VPS13B: variants seen among roughly 807,000 people sequenced by gnomAD.
The protein encoded by VPS13B is vacuolar protein sorting 13 homolog B.
In VPS13B, 285 loss-of-function variants were observed where a neutral mutation model predicts 426.4. The ratio of observed to expected loss-of-function variants is 0.67; its 90% confidence interval spans 0.61 to 0.74. The LOEUF is 0.74. Ranked by LOEUF, VPS13B falls within the 30% of genes least tolerant of loss-of-function variation. VPS13B has a pLI of 0.00. For synonymous variants in VPS13B, 1,676 were observed against 1,676.4 expected (o/e 1.00, Z 0.01); for missense variants, 4,537 against 4,782.6 (o/e 0.95, Z 1.51).
chr8:99,707,730 G>T (rs1832546753), intron 36 of VPS13B, among the ~76,000 whole-genome samples: 1 of 152,142 alleles, frequency 6.6e-6, no homozygotes, highest in African/African-American at 2.4e-5. Context: ...TAAGTGTCAA[G>T]GAACCTTGGG....
chr8:99,863,053 C>T (rs1052197772), intron 58 of VPS13B, among the ~76,000 whole-genome samples: 1 of 152,096 alleles, frequency 6.6e-6, no homozygotes, highest in Non-Finnish European at 1.5e-5. Flanking sequence ...AGCCCCAGAC[C>T]TTGGGCTAGG....
intron 35 of VPS13B, among the ~76,000 whole-genome samples, chr8:99,682,280 C>G (rs886259616): frequency 5.3e-5 from 8 of 152,184 alleles, no homozygotes; most frequent in Non-Finnish European, 1.0e-4. Flanking sequence ...ACCTAACCAA[C>G]ATGGCAAAAC....
intron 39 of VPS13B, among the ~76,000 whole-genome samples, chr8:99,756,833 G>A (rs181359871): frequency 3.9e-5 from 6 of 152,312 alleles, no homozygotes; most frequent in Admixed American, 1.3e-4. Flanking sequence ...ACTGGAAATT[G>A]TAAATGGCAC....
intron 43 of VPS13B, among the ~76,000 whole-genome samples, chr8:99,789,659 C>CA (rs1812448041): frequency 6.6e-6 from 1 of 151,998 alleles, no homozygotes; most frequent in Non-Finnish European, 1.5e-5. Flanking sequence ...TTTAAAGCAC[C>CA]AAAATGTTCA....
At chr8:99,527,247 T>A (rs1301020534) in intron 30 of VPS13B, among the ~76,000 whole-genome samples, 1 of 152,046 alleles carries the variant, frequency 6.6e-6, no homozygotes, top group Non-Finnish European at 1.5e-5. Flanking sequence ...ACTGAGAAAA[T>A]GTAAAATAAT....
intron 33 of VPS13B, among the ~76,000 whole-genome samples, chr8:99,618,223 G>A (rs1376043324): frequency 6.7e-6 from 1 of 149,858 alleles, no homozygotes; most frequent in Non-Finnish European, 1.5e-5. Flanking sequence ...ATACCAGTAA[G>A]CAGTAGCAAA....
chr8:99,871,143 A>G (rs773367639), intron 60 of VPS13B: 2 of 598,304 alleles, frequency 3.3e-6, no homozygotes, highest in East Asian at 5.8e-5. Flanking sequence ...AGAGAAACCC[A>G]GTCTTGCTAG....
chr8:99,717,141 A>G, intron 36 of VPS13B, 30 bp from the exon 37 acceptor site: 1 of 1,574,802 alleles, frequency 6.3e-7, no homozygotes, highest in South Asian at 1.1e-5. Context: ...ATAAGGATGA[A>G]TTATATACTC....
chr8:99,552,583 T>G (rs909952265), intron 30 of VPS13B, among the ~76,000 whole-genome samples: 3 of 151,798 alleles, frequency 2.0e-5, no homozygotes, highest in Non-Finnish European at 4.4e-5. Flanking sequence ...TTTTGTTTTT[T>G]TTTTTTTCCC....
chr8:99,270,318 T>C (rs957306058), intron 17 of VPS13B, among the ~76,000 whole-genome samples: 2 of 151,316 alleles, frequency 1.3e-5, no homozygotes, highest in Admixed American at 1.3e-4. Flanking sequence ...TTTATACTTT[T>C]AGTATAGATG....
intron 2 of VPS13B, among the ~76,000 whole-genome samples, chr8:99,032,740 C>T (rs187451017): frequency 2.4e-4 from 36 of 150,426 alleles, no homozygotes; most frequent in Non-Finnish European, 3.8e-4. Flanking sequence ...CAGGGTTTTA[C>T]GATGTTAGCC....
At chr8:99,657,858 G>A (rs1830078233) in intron 34 of VPS13B, among the ~76,000 whole-genome samples, 3 of 152,060 alleles carry the variant, frequency 2.0e-5, no homozygotes, top group Non-Finnish European at 2.9e-5. Flanking sequence ...AACTTTCATT[G>A]TCAGGCTTCT....
At chr8:99,136,821 T>C (rs1242279115) in intron 12 of VPS13B, 69 bp downstream of exon 12, 10 of 1,484,048 alleles carry the variant, frequency 6.7e-6, no homozygotes, top group East Asian at 2.3e-5. Context: ...TCAGAATCAA[T>C]TGGTCCTTGA....
chr8:99,226,811 GC>G (rs1168918267), intron 17 of VPS13B, among the ~76,000 whole-genome samples: 1 of 152,146 alleles, frequency 6.6e-6, no homozygotes, highest in Non-Finnish European at 1.5e-5. Context: ...TTTGTTGCAT[GC>G]GTAAAATGGG....
intron 25 of VPS13B, among the ~76,000 whole-genome samples, chr8:99,491,622 C>A (rs1322281071): frequency 6.6e-6 from 1 of 152,134 alleles, no homozygotes; most frequent in Non-Finnish European, 1.5e-5. Flanking sequence ...GATCTTCAAT[C>A]ACTGATATCC....
At chr8:99,436,159 G>T (rs1166521206) in intron 22 of VPS13B, among the ~76,000 whole-genome samples, 2 of 152,096 alleles carry the variant, frequency 1.3e-5, no homozygotes, top group African/African-American at 4.8e-5. Flanking sequence ...AGGAGCTACT[G>T]GTCAGCAATG....
At position 99,515,361 on chromosome 8, in the gene VPS13B, A is replaced by AGCTGCTGCTGCTGCT. The variant is rs576737553; in HGVS notation, c.4633+3868_4633+3882dup. ...CAGACTTCTGCCATCTTATTTTTAAAGCTGCTGCTGCTGCTGCTGCTGCTG... is the reference window on the plus strand; with the variant it reads ...CAGACTTCTGCCATCTTATTTTTAAAGCTGCTGCTGCTGCTGCTGCTGCTGCTGCTGCTGCTGCTG... On this transcript the variant is annotated intron_variant, in intron 29 of 61. Coordinates refer to ENST00000357162, the MANE Select transcript of VPS13B (RefSeq NM_152564.5). Among the ~76,000 whole-genome samples the AGCTGCTGCTGCTGCT allele has an allele frequency of 2.2e-4, 33 of 150,160 alleles. No individual in the cohort carries two copies. In the East Asian group the frequency reaches 5.6e-3, roughly 26 times the overall value.
At chr8:99,736,960 A>T (rs905981389) in intron 39 of VPS13B, among the ~76,000 whole-genome samples, 2 of 152,104 alleles carry the variant, frequency 1.3e-5, no homozygotes, top group African/African-American at 4.8e-5. Context: ...TCCATTGGTA[A>T]ATAGCAAAGC....
rs569116900 is a variant in VPS13B, at chr8:99,535,994, G to T, written c.4745+14984G>T. ...GATGGAGTTTTGCTCTTTTTGCCCA[G>T]AGTGGATTGTAATGGCACGATCTTG... is the stretch of plus-strand genomic sequence containing the variant. On this transcript the variant is annotated intron_variant, in intron 30 of 61. Transcript: ENST00000357162. Among the ~76,000 whole-genome samples, 9 of 148,892 alleles carry T rather than the reference G, an allele frequency of 6.0e-5. No homozygotes were observed. The South Asian group carries it at 1.7e-3, about 28-fold the overall frequency.
Sources: allele counts gnomAD v4.1 joint callset (sites outside exome capture counted in the v4.1 genomes callset), GRCh38; gene constraint gnomAD v4.1.1; transcripts MANE v1.5; gene names NCBI Gene and HGNC (gene_info 2026-07-23, HGNC 2026-07-21).